The following RBM11 variants were observed in gnomAD, a reference collection of about 807,000 sequenced individuals.
RBM11 encodes the protein RNA binding motif protein 11.
RBM11 carries 18 observed loss-of-function variants against 21.4 expected under a neutral mutation model. That is an observed-to-expected ratio of 0.84 (90% CI 0.58 to 1.25). RBM11 has a LOEUF of 1.25. RBM11 is among the 50% of genes most tolerant of loss of function. The pLI is 0.00. For missense variants in RBM11, 294 were observed against 331.9 expected (o/e 0.89, Z 0.89); for synonymous variants, 120 against 116.3 (o/e 1.03, Z -0.20).
intron 1 of RBM11, among the ~76,000 whole-genome samples, 184 bp downstream of exon 1, chr21:14,216,466 C>T (rs1004556393): frequency 6.6e-6 from 1 of 152,090 alleles, no homozygotes; most frequent in African/African-American, 2.4e-5. Context: ...GGGCGCGTTC[C>T]CCATCCCCAT....
chr21:14,216,404 C>T, intron 1 of RBM11, 122 bp downstream of exon 1: 1 of 770,376 alleles, frequency 1.3e-6, no homozygotes, highest in Non-Finnish European at 2.1e-6. Flanking sequence ...GTTTTAATTT[C>T]GTTTCCTCTT....
At chr21:14,217,863 A>G (rs1978344978) in intron 1 of RBM11, among the ~76,000 whole-genome samples, 1 of 152,292 alleles carries the variant, frequency 6.6e-6, no homozygotes, top group Admixed American at 6.5e-5. Flanking sequence ...TCCAATAACC[A>G]TTATTTTTAG....
intron 1 of RBM11, among the ~76,000 whole-genome samples, chr21:14,219,154 A>G (rs1265893028): frequency 6.6e-6 from 1 of 152,206 alleles, no homozygotes; most frequent in Non-Finnish European, 1.5e-5. Context: ...TAACATCGCC[A>G]GCTTTTTTGA....
Position 14,224,442 on chromosome 21 carries a change from G to C in RBM11, c.337G>C (p.Glu113Gln), listed in dbSNP as rs772144289. The change falls in exon 4 of 5, where the codon GAA (glutamate) becomes CAA (glutamine). Residue 113 changes from glutamate to glutamine, a missense_variant. Glu to Gln is a conservative substitution (Grantham distance 29). Around this residue, in one of 2 missense-constraint regions of RBM11, gnomAD observed 181 missense variants for 164.6 expected, o/e 1.10. Coordinates refer to ENST00000400577, the MANE Select transcript of RBM11 (RefSeq NM_144770.5). ...VKINSHNYRNEEMLVGRSSFP... is the reference protein window; with the variant it reads ...VKINSHNYRNQEMLVGRSSFP... ...TCTTCTTTCATCTCCTCAAAGGAAT[G>C]AAGAAATGTTGGTGGGCAGATCTTC... is the stretch of plus-strand genomic sequence containing the variant. 10 of 1,556,038 alleles carry C rather than the reference G, an allele frequency of 6.4e-6. No individual in the cohort carries two copies. The highest frequency in any genetic ancestry group is 3.9e-5 in the Admixed American group (2 of 51,256).
intron 1 of RBM11, among the ~76,000 whole-genome samples, chr21:14,216,990 A>C (rs1037393281): frequency 6.6e-6 from 1 of 152,196 alleles, no homozygotes; most frequent in Non-Finnish European, 1.5e-5. Context: ...ATTACGGGGC[A>C]AATACTGAGG....
intron 2 of RBM11, 113 bp downstream of exon 2, chr21:14,219,838 T>C: frequency 6.3e-6 from 5 of 799,844 alleles, no homozygotes; most frequent in Non-Finnish European, 7.1e-6. Context: ...AAAAGTACCT[T>C]CTACCTTCTG....
rs1476605514 is a variant in RBM11 at position 14,227,530 on chromosome 21, AT to A, written c.*238del. ...GATATTTTTGACCCATTGGCAACAAATAGACTATTGTCATTTTATTAGTACC... is the reference window on the plus strand; with the variant it reads ...GATATTTTTGACCCATTGGCAACAAAAGACTATTGTCATTTTATTAGTACC... On this transcript the variant is annotated 3_prime_UTR_variant, in exon 5 of 5. Transcript: ENST00000400577. 2.1e-6 allele frequency: 1 copy of A among 479,268 alleles called. No homozygotes were observed. The highest frequency in any genetic ancestry group is 3.6e-6 in the Non-Finnish European group (1 of 274,696). The allele number at this position is 479,268 out of a possible 1,614,324, so 29.7% of individuals were successfully genotyped here. A position where few individuals can be genotyped will look rare whatever the true frequency, so the allele number is the denominator to read the frequency against.
rs2123397285 is a variant in RBM11 at position 14,221,156 on chromosome 21, T to G, written c.319T>G (p.Ser107Ala). Residue 107 changes from serine (S) to alanine (A), a missense_variant, in exon 3 of 5, where the codon TCA becomes GCA. By Grantham distance (99) the Ser-to-Ala change is moderately conservative. Around this residue, in one of 2 missense-constraint regions of RBM11, gnomAD observed 181 missense variants for 164.6 expected, o/e 1.10. Coordinates refer to ENST00000400577, the MANE Select transcript of RBM11 (RefSeq NM_144770.5). Reference sequence around the variant, plus strand: ...TTTTGAGAGCTGTGTTAAGATAAATTCACACAACTACAGGTAATTTTAAAA... The same window carrying G: ...TTTTGAGAGCTGTGTTAAGATAAATGCACACAACTACAGGTAATTTTAAAA... Reference protein sequence around the residue: ...QSFESCVKINSHNYRNEEMLV... With the variant: ...QSFESCVKINAHNYRNEEMLV... 6.4e-7 allele frequency: 1 copy of G among 1,568,184 alleles called. No individual in the cohort carries two copies. Among genetic ancestry groups the G allele is most frequent in the East Asian group, 2.3e-5 (1 of 43,516 alleles).
rs1465251229 is a variant in RBM11, at chr21:14,216,194, C to T, written c.8C>T (p.Pro3Leu). Residue 3 changes from proline (P) to leucine (L), a missense_variant, in exon 1 of 5, where the codon CCT becomes CTT. Coordinates refer to ENST00000400577, the MANE Select transcript of RBM11 (RefSeq NM_144770.5). ...TACGGCCGAGACCGGAGGATGTTCC[C>T]TGCTCAGGAGGAGGCCGACAGGACC... The part of the protein sequence containing the change: MF[P>L]AQEEADRTVF... 3 of 1,613,392 alleles carry T rather than the reference C, an allele frequency of 1.9e-6. No homozygotes were observed. Among genetic ancestry groups the T allele is most frequent in the Non-Finnish European group, 2.5e-6 (3 of 1,179,682 alleles).
chr21:14,221,385 T>C (rs1279169697), intron 3 of RBM11: 2 of 454,568 alleles, frequency 4.4e-6, no homozygotes, highest in Non-Finnish European at 7.1e-6. Flanking sequence ...TAGAGACTTA[T>C]ATTTGTAGTT....
At chr21:14,224,049 C>T (rs890299484) in intron 3 of RBM11, among the ~76,000 whole-genome samples, 3 of 152,018 alleles carry the variant, frequency 2.0e-5, no homozygotes, top group Admixed American at 1.3e-4. Context: ...TTATATAATA[C>T]CAGTTTGTTA....
At chr21:14,222,905 G>A (rs384358) in intron 3 of RBM11, among the ~76,000 whole-genome samples, 72 of 151,316 alleles carry the variant, frequency 4.8e-4, no homozygotes, top group African/African-American at 1.5e-3. Flanking sequence ...TAGCATAAAG[G>A]GGGGGAAGCA....
In RBM11 at chr21:14,216,191, T is replaced by G; in HGVS notation, c.5T>G (p.Phe2Cys). The G allele has an allele frequency of 1.9e-6, 3 of 1,613,230 alleles. No individual in the cohort carries two copies. The highest frequency in any genetic ancestry group is 2.5e-6 in the Non-Finnish European group (3 of 1,179,520). Residue 2 changes from phenylalanine (F) to cysteine (C), a missense_variant, in exon 1 of 5, where the codon TTC (phenylalanine) becomes TGC (cysteine). Phe to Cys is a radical substitution (Grantham distance 205, BLOSUM62 -2). Around this residue, in one of 2 missense-constraint regions of RBM11, gnomAD observed 181 missense variants for 164.6 expected, o/e 1.10. Transcript: ENST00000400577. M[F>C]PAQEEADRTV... ...TTCTACGGCCGAGACCGGAGGATGT[T>G]CCCTGCTCAGGAGGAGGCCGACAGG... is the stretch of plus-strand genomic sequence containing the variant.
In RBM11 at chr21:14,221,123, A is replaced by G; in HGVS notation, c.286A>G (p.Asn96Asp). The G allele has an allele frequency of 6.3e-7, 1 of 1,581,124 alleles. No individual in the cohort carries two copies. Among genetic ancestry groups the G allele is most frequent in the Non-Finnish European group, 8.6e-7 (1 of 1,162,028 alleles). ...GAGTTCTCGCTCTTCTGAACCAGCTAACCAAAGTTTTGAGAGCTGTGTTAA... is the reference window on the plus strand; with the variant it reads ...GAGTTCTCGCTCTTCTGAACCAGCTGACCAAAGTTTTGAGAGCTGTGTTAA... ...FGSSRSSEPA[N>D]QSFESCVKIN... The change falls in exon 3 of 5, where the codon AAC becomes GAC. Residue 96 changes from asparagine (N) to aspartate (D), a missense_variant. Asn to Asp is a conservative substitution (Grantham distance 23). This residue lies in a region of RBM11 where 181 missense variants were observed against 164.6 expected (regional missense o/e 1.10). Coordinates refer to ENST00000400577, the MANE Select transcript of RBM11 (RefSeq NM_144770.5).
Position 14,219,709 on chromosome 21 carries a change from C to A in RBM11, c.243C>A (p.Asn81Lys), listed in dbSNP as rs144556384. The change falls in exon 2 of 5, where the codon AAC becomes AAA. Residue 81 changes from asparagine (N) to lysine (K), a missense_variant. Asn to Lys is a moderately conservative substitution (Grantham distance 94). Around this residue, in one of 2 missense-constraint regions of RBM11, gnomAD observed 181 missense variants for 164.6 expected, o/e 1.10. Coordinates refer to ENST00000400577, the MANE Select transcript of RBM11 (RefSeq NM_144770.5). ...TTCGTTTATATGGAAGACCAATTAA[C>A]GTGCAGTATCGATTTGGTAGGTCCT... ...NGIRLYGRPI[N>K]VQYRFGSSRS... 1.1e-3 allele frequency: 1,695 copies of A among 1,595,370 alleles called. 11 individuals are homozygous for A. The African/African-American group carries it at 0.02, about 19-fold the overall frequency.
chr21:14,228,010 T>C lies in RBM11; in HGVS notation c.*717T>C, dbSNP rs1979255894. 1 of 152,224 alleles carries C rather than the reference T, an allele frequency of 6.6e-6. No individual in the cohort carries two copies. Among genetic ancestry groups the C allele is most frequent in the South Asian group, 2.1e-4 (1 of 4,832 alleles). The allele number at this position is 152,224 out of a possible 1,614,324, so 9.4% of individuals were successfully genotyped here. ...TGTCAGTGTGTATTATTCACCTCTT[T>C]TGCTAGCAAGGTTTGAGATGCTATA... is the stretch of plus-strand genomic sequence containing the variant. On this transcript the variant is annotated 3_prime_UTR_variant, in exon 5 of 5. Coordinates refer to ENST00000400577, the MANE Select transcript of RBM11 (RefSeq NM_144770.5).
At position 14,227,071 on chromosome 21, in the gene RBM11, T is replaced by G. The variant is rs1176053092; in HGVS notation, c.624T>G (p.Asn208Lys). The stretch of plus-strand genomic sequence containing the variant: ...ATCAGATGACAGCTCCACTTCCTAA[T>G]AGTGCATCCGTGTCTTCCTCACTGA... ...DLYQMTAPLP[N>K]SASVSSSLNH... The change falls in exon 5 of 5, where the codon AAT becomes AAG. Residue 208 changes from asparagine (N) to lysine (K), a missense_variant. Asn to Lys is a moderately conservative substitution (Grantham distance 94, BLOSUM62 0). Around this residue, in one of 2 missense-constraint regions of RBM11, gnomAD observed 113 missense variants for 167.3 expected, o/e 0.68. Coordinates refer to ENST00000400577, the MANE Select transcript of RBM11 (RefSeq NM_144770.5). 6.2e-7 allele frequency: 1 copy of G among 1,613,288 alleles called. No homozygotes were observed. Among genetic ancestry groups the G allele is most frequent in the Non-Finnish European group, 8.5e-7 (1 of 1,179,838 alleles).
chr21:14,224,326 A>C lies in RBM11; in HGVS notation c.333-112A>C, dbSNP rs1978913931. On this transcript the variant is annotated intron_variant, in intron 3 of 4. Transcript: ENST00000400577. ...TTCTGAATTTACATGTGATTCCTCTATGCAGACAACTTTGCATCCCCTGAG... is the reference window on the plus strand; with the variant it reads ...TTCTGAATTTACATGTGATTCCTCTCTGCAGACAACTTTGCATCCCCTGAG... The C allele has an allele frequency of 9.8e-6, 14 of 1,429,300 alleles. No homozygotes were observed. Among genetic ancestry groups the C allele is most frequent in the Non-Finnish European group, 9.3e-6 (10 of 1,080,536 alleles). 88.5% of individuals were successfully genotyped at this position (1,429,300 alleles called of 1,614,324 possible).
chr21:14,220,403 G>A (rs1186335880), intron 2 of RBM11, among the ~76,000 whole-genome samples: 1 of 152,140 alleles, frequency 6.6e-6, no homozygotes, highest in African/African-American at 2.4e-5. Flanking sequence ...CAATATGTAC[G>A]CAGCCTCCTC....
Sources: gnomAD v4.1 joint callset for allele counts (sites outside exome capture counted in the v4.1 genomes callset) on GRCh38, gnomAD v4.1.1 for gene constraint, gnomAD v4.1.1 regional missense constraint, MANE v1.5 for transcripts, NCBI Gene and HGNC (gene_info 2026-07-23, HGNC 2026-07-21) for gene names.